The following SCYL2 variants were observed in gnomAD, a reference collection of about 807,000 sequenced individuals.
The protein encoded by SCYL2 is SCY1 like pseudokinase 2.
SCYL2 carries 36 observed loss-of-function variants against 100.4 expected under a neutral mutation model. That is an observed-to-expected ratio of 0.36 (90% CI 0.27 to 0.47). The LOEUF is 0.47. Ranked by LOEUF, SCYL2 falls within the 20% of genes least tolerant of loss-of-function variation. The probability of loss-of-function intolerance (pLI) is 1.00; values close to 1 mark genes in which losing one functional copy is unlikely to be tolerated. For synonymous variants in SCYL2, 330 were observed against 359.2 expected (o/e 0.92, Z 0.92); for missense variants, 902 against 1,083.9 (o/e 0.83, Z 2.36).
chr12:100,282,040 C>T (rs952844682), intron 1 of SCYL2, among the ~76,000 whole-genome samples: 5 of 151,950 alleles, frequency 3.3e-5, no homozygotes, highest in Admixed American at 1.3e-4. Flanking sequence ...GTTTTTGAGA[C>T]AGAGTCTGGT....
intron 1 of SCYL2, among the ~76,000 whole-genome samples, chr12:100,268,009 G>A (rs1302313134): frequency 6.6e-6 from 1 of 152,178 alleles, no homozygotes; most frequent in Admixed American, 6.5e-5. Flanking sequence ...ACGGATGGAG[G>A]AGGGTTTAGA....
rs1346982219 is a variant in SCYL2 at position 100,338,838 on chromosome 12, C to CT, written c.2459dup (p.Leu820PhefsTer22). ...CCTCCCACTTTGCCAAACTTCAATG[C>CT]TTTGAGTGTTCCTCCTGCTGGTGCA... On this transcript the variant is annotated frameshift_variant, in exon 18 of 18. Transcript: ENST00000360820. LOFTEE classifies it high-confidence loss of function. The CT allele has an allele frequency of 6.2e-7, 1 of 1,614,188 alleles. No homozygotes were observed. Among genetic ancestry groups the CT allele is most frequent in the Non-Finnish European group, 8.5e-7 (1 of 1,180,000 alleles).
chr12:100,281,019 G>GTTTTGTTTTTTTTTTTTT lies in SCYL2; in HGVS notation c.-28-1920_-28-1919insGTTTTTTTTTTTTTTTTT, dbSNP rs2096297553. Reference sequence around the variant, plus strand: ...ATTTTATTGTCCCTTTACCATCAGTGTTTTTTTTTTTTTTTTTTTTTTTTT... The same window carrying GTTTTGTTTTTTTTTTTTT: ...ATTTTATTGTCCCTTTACCATCAGTGTTTTGTTTTTTTTTTTTTTTTTTTTTTTTTTTTTTTTTTTTTT... On this transcript the variant is annotated intron_variant, in intron 1 of 17. Coordinates refer to ENST00000360820, the MANE Select transcript of SCYL2 (RefSeq NM_017988.6). 7.9e-4 allele frequency among the ~76,000 whole-genome samples: 40 copies of GTTTTGTTTTTTTTTTTTT among 50,490 alleles called. 2 individuals are homozygous for GTTTTGTTTTTTTTTTTTT. Among genetic ancestry groups the GTTTTGTTTTTTTTTTTTT allele is most frequent in the African/African-American group, 2.5e-3 (36 of 14,520 alleles). 33.1% of individuals were successfully genotyped at this position (50,490 alleles called of 152,430 possible).
intron 16 of SCYL2, among the ~76,000 whole-genome samples, chr12:100,336,656 G>A (rs1247462314): frequency 6.6e-6 from 1 of 152,052 alleles, no homozygotes; most frequent in African/African-American, 2.4e-5. Flanking sequence ...AAATAGATCT[G>A]ATTCCATCTC....
At chr12:100,327,760 T>C (rs1293328517) in intron 12 of SCYL2, among the ~76,000 whole-genome samples, 1 of 152,066 alleles carries the variant, frequency 6.6e-6, no homozygotes, top group Admixed American at 6.6e-5. Flanking sequence ...GTGATCCACC[T>C]GCCTCGGCCT....
Position 100,281,571 on chromosome 12 carries a change from C to T in SCYL2, c.-28-1372C>T, listed in dbSNP as rs143725797. ...AAAATAGGCTGGGCGCTTTGGCTCACGCCTGTAATCCCAGCACTTTGGGAG... is the reference window on the plus strand; with the variant it reads ...AAAATAGGCTGGGCGCTTTGGCTCATGCCTGTAATCCCAGCACTTTGGGAG... On this transcript the variant is annotated intron_variant, in intron 1 of 17. Transcript: ENST00000360820. 2.2e-3 allele frequency among the ~76,000 whole-genome samples: 329 copies of T among 152,202 alleles called. 5 individuals are homozygous for T. The East Asian group carries it at 0.036, about 17-fold the overall frequency.
chr12:100,281,019 GTTTTTT>G (rs202048587), intron 1 of SCYL2, among the ~76,000 whole-genome samples: 9 of 50,492 alleles, frequency 1.8e-4, no homozygotes, highest in African/African-American at 6.2e-4. Context: ...TACCATCAGT[GTTTTTT>G]TTTTTTTTTT....
chr12:100,281,883 A>G (rs961707265), intron 1 of SCYL2, among the ~76,000 whole-genome samples: 1 of 152,068 alleles, frequency 6.6e-6, no homozygotes, highest in Non-Finnish European at 1.5e-5. Flanking sequence ...GTAAAGTGTA[A>G]AGTGTTAGCA....
At position 100,338,878 on chromosome 12, in the gene SCYL2, A is replaced by G; in HGVS notation, c.2496A>G (p.Gln832=). 6.2e-7 allele frequency: 1 copy of G among 1,614,158 alleles called. No homozygotes were observed. The highest frequency in any genetic ancestry group is 8.5e-7 in the Non-Finnish European group (1 of 1,180,008). ...VPPAGAKQTQ[Q]RPTDMSALNN... is the part of the protein sequence containing the mutation. Reference sequence around the variant, plus strand: ...CTGCTGGTGCAAAGCAGACCCAACAAAGACCCACAGATATGTCTGCCCTTA... The same window carrying G: ...CTGCTGGTGCAAAGCAGACCCAACAGAGACCCACAGATATGTCTGCCCTTA... The change falls in exon 18 of 18, where the codon CAA becomes CAG. Residue 832 remains glutamine (Q), a synonymous_variant. Transcript: ENST00000360820.
chr12:100,304,510 G>T (rs2096331665), intron 4 of SCYL2, among the ~76,000 whole-genome samples: 1 of 152,140 alleles, frequency 6.6e-6, no homozygotes, highest in East Asian at 1.9e-4. Flanking sequence ...TTGGCGACAG[G>T]AGGGAGTTCC....
chr12:100,337,349 A>G, intron 16 of SCYL2, 38 bp from the exon 17 acceptor site: 2 of 1,598,524 alleles, frequency 1.3e-6, no homozygotes, highest in Non-Finnish European at 1.7e-6. Context: ...TGGACTTAAT[A>G]AATTGCCGGT....
intron 2 of SCYL2, among the ~76,000 whole-genome samples, chr12:100,289,033 T>C (rs1458930733): frequency 6.6e-6 from 1 of 152,052 alleles, no homozygotes; most frequent in Non-Finnish European, 1.5e-5. Context: ...GATACATTTA[T>C]AAAATGTGTT....
At chr12:100,294,866 T>G in intron 3 of SCYL2, among the ~76,000 whole-genome samples, 2 of 145,058 alleles carry the variant, frequency 1.4e-5, no homozygotes, top group African/African-American at 2.6e-5. Context: ...CCAGACGGGG[T>G]GGCTGCCGGG....
chr12:100,294,453 G>T (rs2096315384), intron 3 of SCYL2, among the ~76,000 whole-genome samples: 1 of 98,966 alleles, frequency 1.0e-5, no homozygotes, highest in African/African-American at 4.1e-5. Context: ...CCCAGTAGGG[G>T]CGGCCGGGCA....
intron 3 of SCYL2, among the ~76,000 whole-genome samples, chr12:100,297,740 A>C (rs1245512217): frequency 6.6e-6 from 1 of 151,412 alleles, no homozygotes; most frequent in East Asian, 1.9e-4. Context: ...TCATTTGAAC[A>C]AGGTGGTTGA....
In SCYL2 at chr12:100,341,426, T is replaced by C. The variant is rs1240913259; in HGVS notation, c.*2254T>C. The C allele has an allele frequency of 6.6e-6, 1 of 152,150 alleles. No individual in the cohort carries two copies. The allele number at this position is 152,150 out of a possible 1,614,324, so 9.4% of individuals were successfully genotyped here. A position where few individuals can be genotyped will look rare whatever the true frequency, so the allele number is the denominator to read the frequency against. ...TGTCAACAGAATCTACAAAAAAGAT[T>C]CCCTTGCATTTGAATTAGTTCTCTA... On this transcript the variant is annotated 3_prime_UTR_variant, in exon 18 of 18. Coordinates refer to ENST00000360820, the MANE Select transcript of SCYL2 (RefSeq NM_017988.6).
chr12:100,276,389 G>A (rs1214196163), intron 1 of SCYL2, among the ~76,000 whole-genome samples: 10 of 152,076 alleles, frequency 6.6e-5, no homozygotes, highest in Non-Finnish European at 1.5e-4. Flanking sequence ...CCAGAGGAGA[G>A]TGGCACAATC....
At chr12:100,310,559 A>G (rs983564022) in intron 4 of SCYL2, among the ~76,000 whole-genome samples, 1 of 152,250 alleles carries the variant, frequency 6.6e-6, no homozygotes, top group Non-Finnish European at 1.5e-5. Context: ...AGGGACAAAT[A>G]TAAAAATTAC....
chr12:100,282,636 T>C (rs1001103227), intron 1 of SCYL2, among the ~76,000 whole-genome samples: 5 of 152,158 alleles, frequency 3.3e-5, no homozygotes, highest in Non-Finnish European at 5.9e-5. Flanking sequence ...CCACTTTAAG[T>C]CTTAAAGGAT....
Sources: gnomAD v4.1 joint callset for allele counts (sites outside exome capture counted in the v4.1 genomes callset) on GRCh38, gnomAD v4.1.1 for gene constraint, MANE v1.5 for transcripts, NCBI Gene and HGNC (gene_info 2026-07-23, HGNC 2026-07-21) for gene names.